ANKMY1: variants seen among roughly 807,000 people sequenced by gnomAD.
ANKMY1 encodes the protein ankyrin repeat and MYND domain-containing protein 1.
A neutral mutation model predicts 102.0 loss-of-function variants in ANKMY1; 98 were observed. The ratio of observed to expected loss-of-function variants is 0.96; its 90% CI spans 0.82 to 1.14. The LOEUF is 1.14. Ranked by LOEUF, ANKMY1 falls within the 50% of genes most tolerant of loss-of-function variation. ANKMY1 has a pLI of 0.00. For synonymous variants in ANKMY1, 582 were observed against 559.9 expected (o/e 1.04, Z -0.56); for missense variants, 1,330 against 1,347.6 (o/e 0.99, Z 0.20).
Position 240,509,387 on chromosome 2 carries a change from G to A in ANKMY1, c.2355C>T (p.His785=). 1 of 1,613,764 alleles carries A rather than the reference G, an allele frequency of 6.2e-7. No homozygotes were observed. Among genetic ancestry groups the A allele is most frequent in the Non-Finnish European group, 8.5e-7 (1 of 1,179,836 alleles). ...GANPNLLWSG[H]SPLSLSIASG... Reference sequence around the variant, plus strand: ...TGGCAATGGACAGGGAGAGCGGGGAGTGGCCACTCCACAGCAGGTTAGGAT... The same window carrying A: ...TGGCAATGGACAGGGAGAGCGGGGAATGGCCACTCCACAGCAGGTTAGGAT... Residue 785 remains histidine, a synonymous_variant, in exon 12 of 18, where the codon CAC becomes CAT. Coordinates refer to ENST00000401804, the MANE Select transcript of ANKMY1 (RefSeq NM_001282771.3).
At chr2:240,491,527 T>C (rs2076653430) in intron 15 of ANKMY1, among the ~76,000 whole-genome samples, 1 of 152,256 alleles carries the variant, frequency 6.6e-6, no homozygotes, top group African/African-American at 2.4e-5. Context: ...TACTTTTGTG[T>C]GTTTTCATAA....
In ANKMY1 at chr2:240,554,963, T is replaced by C. The variant is rs1239862975; in HGVS notation, c.239A>G (p.Gln80Arg). Residue 80 changes from glutamine to arginine, a missense_variant, in exon 3 of 18, where the codon CAG (glutamine) becomes CGG (arginine). Physicochemically the swap from Gln to Arg is conservative, Grantham distance 43 (BLOSUM62 1). Coordinates refer to ENST00000401804, the MANE Select transcript of ANKMY1 (RefSeq NM_001282771.3). ...DLRESYIQLV[Q>R]GVQEWQDGCM... ...ACCATCCTGCCACTCCTGCACACCCTGGACGAGCTGGATGTAGGACTCCCT... is the reference window on the plus strand; with the variant it reads ...ACCATCCTGCCACTCCTGCACACCCCGGACGAGCTGGATGTAGGACTCCCT... 2.5e-6 allele frequency: 4 copies of C among 1,614,196 alleles called. No individual in the cohort carries two copies. The highest frequency in any genetic ancestry group is 3.4e-6 in the Non-Finnish European group (4 of 1,180,034).
Position 240,526,897 on chromosome 2 carries a change from T to A in ANKMY1, c.954-452A>T, listed in dbSNP as rs896017111. On this transcript the variant is annotated intron_variant, in intron 5 of 17. Transcript: ENST00000401804. ...CATGCATTATCTCATGGCTTACTCA[T>A]CACACAACACTGATGCCTCCTGGTG... 4.4e-6 allele frequency: 5 copies of A among 1,136,348 alleles called. No homozygotes were observed. In the African/African-American group the frequency reaches 8.1e-5, roughly 18 times the overall value. 70.4% of individuals were successfully genotyped at this position (1,136,348 alleles called of 1,614,324 possible). A position where few individuals can be genotyped will look rare whatever the true frequency, so the allele number is the denominator to read the frequency against.
intron 12 of ANKMY1, among the ~76,000 whole-genome samples, chr2:240,508,326 C>T (rs1337447949): frequency 6.6e-6 from 1 of 152,276 alleles, no homozygotes; most frequent in Non-Finnish European, 1.5e-5. Context: ...GGGCCTAGCC[C>T]TGAGCAGGGG....
At chr2:240,556,935 T>TC (rs2092411091) in intron 2 of ANKMY1, among the ~76,000 whole-genome samples, 1 of 152,068 alleles carries the variant, frequency 6.6e-6, no homozygotes, top group Admixed American at 6.6e-5. Flanking sequence ...AAACGTTCCC[T>TC]CCCTCCACTA....
chr2:240,550,508 TATAATA>T (rs2091317566), intron 4 of ANKMY1, among the ~76,000 whole-genome samples: 1 of 151,966 alleles, frequency 6.6e-6, no homozygotes. Context: ...AAACTTAAAG[TATAATA>T]ATAATAAATT....
chr2:240,523,757 C>G lies in ANKMY1; in HGVS notation c.1832+128G>C, dbSNP rs561102953. The stretch of plus-strand genomic sequence containing the variant: ...GGAGCCACCGACACAGGGATGCTCA[C>G]ACATTCAGACACACATCTCCAGACA... On this transcript the variant is annotated intron_variant, in intron 8 of 17. Coordinates refer to ENST00000401804, the MANE Select transcript of ANKMY1 (RefSeq NM_001282771.3). The G allele has an allele frequency of 4.9e-4, 693 of 1,400,232 alleles. 5 individuals carry two copies. In the South Asian group the frequency reaches 5.6e-3, roughly 11 times the overall value. The allele number at this position is 1,400,232 out of a possible 1,614,324, so 86.7% of individuals were successfully genotyped here.
chr2:240,525,560 C>A, intron 7 of ANKMY1, 125 bp downstream of exon 7: 1 of 1,262,554 alleles, frequency 7.9e-7, no homozygotes, highest in Non-Finnish European at 1.1e-6. Flanking sequence ...TGCCCACTCC[C>A]TGCCTTATAA....
chr2:240,530,058 A>G (rs981753377), intron 4 of ANKMY1, among the ~76,000 whole-genome samples: 8 of 152,164 alleles, frequency 5.3e-5, no homozygotes, highest in African/African-American at 1.9e-4. Context: ...GGACAGAGGA[A>G]GAAGGGGAGC....
At chr2:240,469,913 C>G in the ANKMY1 span, among the ~76,000 whole-genome samples, 72 of 152,226 alleles carry the variant, frequency 4.7e-4, no homozygotes, top group African/African-American at 1.7e-3. Flanking sequence ...CCTGCACATG[C>G]ATGCACTCAC....
In ANKMY1 at chr2:240,512,012, C is replaced by T. The variant is rs370858707; in HGVS notation, c.2146-11G>A. The T allele has an allele frequency of 3.2e-5, 49 of 1,527,640 alleles. No individual in the cohort carries two copies. The African/African-American group carries it at 5.7e-4, about 18-fold the overall frequency. The allele number at this position is 1,527,640 out of a possible 1,614,324, so 94.6% of individuals were successfully genotyped here. ...GGGCAGCAGGTCCAGCTGTGTAAAACGGAGGGCTCCGCCAGCGCCCACGGA... is the reference window on the plus strand; with the variant it reads ...GGGCAGCAGGTCCAGCTGTGTAAAATGGAGGGCTCCGCCAGCGCCCACGGA... On this transcript the variant is annotated splice_polypyrimidine_tract_variant and intron_variant, in intron 10 of 17. Coordinates refer to ENST00000401804, the MANE Select transcript of ANKMY1 (RefSeq NM_001282771.3).
Position 240,524,140 on chromosome 2 carries a change from A to G in ANKMY1, c.1577T>C (p.Leu526Ser), listed in dbSNP as rs888649080. ...RSSSLKGDSP[L>S]VKGSLGHVES... is the part of the protein sequence containing the mutation. ...CACATGGCCAAGGCTGCCCTTCACCAACGGGGAGTCCCCCTTCAGAGAGCT... is the reference window on the plus strand; with the variant it reads ...CACATGGCCAAGGCTGCCCTTCACCGACGGGGAGTCCCCCTTCAGAGAGCT... The change falls in exon 8 of 18, where the codon TTG becomes TCG. Residue 526 changes from leucine (L) to serine (S), a missense_variant. By Grantham distance (145) the Leu-to-Ser change is moderately radical. Transcript: ENST00000401804. The G allele has an allele frequency of 6.2e-7, 1 of 1,614,038 alleles. No individual in the cohort carries two copies. Among genetic ancestry groups the G allele is most frequent in the Non-Finnish European group, 8.5e-7 (1 of 1,180,028 alleles).
downstream of ANKMY1, among the ~76,000 whole-genome samples, chr2:240,478,651 C>T (rs1227587859): frequency 6.6e-6 from 1 of 152,112 alleles, no homozygotes; most frequent in East Asian, 1.9e-4. Context: ...ACTGCTGACC[C>T]CTTACAGAAG....
chr2:240,503,592 G>C (rs2152076878), intron 13 of ANKMY1, among the ~76,000 whole-genome samples: 1 of 152,304 alleles, frequency 6.6e-6, no homozygotes, highest in Admixed American at 6.5e-5. Context: ...ATATTCAGGA[G>C]GCCTGGTGAC....
chr2:240,491,217 A>G (rs1030913208), intron 15 of ANKMY1, among the ~76,000 whole-genome samples: 1 of 150,266 alleles, frequency 6.7e-6, no homozygotes, highest in Admixed American at 6.7e-5. Flanking sequence ...CCTTTATTTC[A>G]GTCTATATGT....
intron 4 of ANKMY1, among the ~76,000 whole-genome samples, chr2:240,546,654 G>T (rs1306188467): frequency 1.3e-5 from 2 of 152,208 alleles, no homozygotes; most frequent in Admixed American, 6.5e-5. Flanking sequence ...CAAAATAAAA[G>T]GATGGAGGAA....
chr2:240,511,756 C>G, intron 11 of ANKMY1, 105 bp downstream of exon 11: 1 of 1,406,594 alleles, frequency 7.1e-7, no homozygotes, highest in East Asian at 2.7e-5. Context: ...TGGCTTCTGC[C>G]TAAGACTCAG....
At chr2:240,486,712 C>T (rs2076100686) in intron 15 of ANKMY1, among the ~76,000 whole-genome samples, 1 of 152,148 alleles carries the variant, frequency 6.6e-6, no homozygotes, top group Non-Finnish European at 1.5e-5. Flanking sequence ...CTGGGTCTCA[C>T]CATGTTGCCC....
In ANKMY1 at chr2:240,520,125, C is replaced by A. The variant is rs1468546890; in HGVS notation, c.2004+237G>T. On this transcript the variant is annotated intron_variant, in intron 9 of 17. Transcript: ENST00000401804. The surrounding 1 kb of genome is among the most constrained non-coding windows in gnomAD (Gnocchi z 4.8). Reference sequence around the variant, plus strand: ...TGCTTCAACACTGGGAAAAAAATCACACGGATCGTGAAGTACTCTAAAAAC... The same window carrying A: ...TGCTTCAACACTGGGAAAAAAATCAAACGGATCGTGAAGTACTCTAAAAAC... 1.4e-6 allele frequency: 1 copy of A among 740,594 alleles called. No homozygotes were observed. The highest frequency in any genetic ancestry group is 1.5e-5 in the South Asian group (1 of 67,446). The allele number at this position is 740,594 out of a possible 1,614,324, so 45.9% of individuals were successfully genotyped here.
Sources: gnomAD v4.1 joint callset for allele counts (sites outside exome capture counted in the v4.1 genomes callset) on GRCh38, gnomAD v4.1.1 for gene constraint, Gnocchi (gnomAD v3.1) non-coding constraint, MANE v1.5 for transcripts, NCBI Gene and HGNC (gene_info 2026-07-23, HGNC 2026-07-21) for gene names.